The following TMEM163 variants were observed in gnomAD, a reference collection of about 807,000 sequenced individuals.
TMEM163 encodes transmembrane protein 163.
A neutral mutation model predicts 29.3 loss-of-function variants in TMEM163; 17 were observed. That is an observed-to-expected ratio of 0.58 (90% CI 0.40 to 0.87). The LOEUF (loss-of-function observed/expected upper bound fraction) is 0.87, where lower values mean the gene tolerates loss of function less well. Ranked by LOEUF, TMEM163 falls within the 40% of genes least tolerant of loss-of-function variation. The probability of loss-of-function intolerance (pLI) is 0.00; values close to 1 mark genes in which losing one functional copy is unlikely to be tolerated. For missense variants in TMEM163, 303 were observed against 381.5 expected (o/e 0.79, Z 1.71); for synonymous variants, 157 against 160.6 (o/e 0.98, Z 0.17).
chr2:134,685,316 T>C (rs1169384899), intron 2 of TMEM163, among the ~76,000 whole-genome samples: 2 of 152,206 alleles, frequency 1.3e-5, no homozygotes, highest in African/African-American at 4.8e-5. Context: ...TTTATATAAG[T>C]CATCATAATA....
At chr2:134,574,882 G>C (rs956561988) in intron 2 of TMEM163, among the ~76,000 whole-genome samples, 3 of 152,188 alleles carry the variant, frequency 2.0e-5, no homozygotes, top group African/African-American at 7.2e-5. Flanking sequence ...CGTTAGGCTT[G>C]CTGGACTGAG....
intron 5 of TMEM163, among the ~76,000 whole-genome samples, chr2:134,480,506 C>T (rs752660944): frequency 3.9e-5 from 6 of 152,180 alleles, no homozygotes; most frequent in Non-Finnish European, 7.4e-5. Context: ...TGATTAGCCA[C>T]AATTAAGTGC....
chr2:134,664,511 G>A (rs1288564055), intron 2 of TMEM163, among the ~76,000 whole-genome samples: 2 of 152,208 alleles, frequency 1.3e-5, no homozygotes, highest in East Asian at 3.8e-4. Context: ...TAGGGGAAAA[G>A]GGACTTTGCA....
At chr2:134,566,386 AC>A (rs1306968779) in intron 2 of TMEM163, among the ~76,000 whole-genome samples, 5 of 151,836 alleles carry the variant, frequency 3.3e-5, no homozygotes, top group African/African-American at 1.2e-4. Context: ...ATATGGTGAA[AC>A]CCCGTCTCTA....
intron 2 of TMEM163, among the ~76,000 whole-genome samples, chr2:134,668,642 A>C (rs1484517759): frequency 6.6e-6 from 1 of 151,936 alleles, no homozygotes; most frequent in Non-Finnish European, 1.5e-5. Flanking sequence ...AAAAAAAAGA[A>C]AAGAAAAGAA....
At chr2:134,591,859 T>C (rs1681941411) in intron 2 of TMEM163, among the ~76,000 whole-genome samples, 1 of 150,916 alleles carries the variant, frequency 6.6e-6, no homozygotes, top group African/African-American at 2.4e-5. Context: ...AATCACAGCC[T>C]ATGAATGTGC....
intron 2 of TMEM163, among the ~76,000 whole-genome samples, chr2:134,640,418 T>A (rs1187104282): frequency 6.6e-6 from 1 of 152,128 alleles, no homozygotes; most frequent in Non-Finnish European, 1.5e-5. Flanking sequence ...GACAATATAC[T>A]GAAAATTCTC....
intron 2 of TMEM163, among the ~76,000 whole-genome samples, chr2:134,648,332 C>CTTCTCTTCTT (rs1683386023): frequency 6.6e-6 from 1 of 151,786 alleles, no homozygotes; most frequent in African/African-American, 2.4e-5. Flanking sequence ...CTTCTCTTCT[C>CTTCTCTTCTT]TTCTCTTCTC....
chr2:134,517,899 A>G (rs1018905379), intron 4 of TMEM163, among the ~76,000 whole-genome samples: 1 of 152,190 alleles, frequency 6.6e-6, no homozygotes, highest in Non-Finnish European at 1.5e-5. Context: ...CCACTGAGTG[A>G]TCTGCAAATT....
At chr2:134,511,761 T>C (rs1679955203) in intron 4 of TMEM163, among the ~76,000 whole-genome samples, 2 of 152,230 alleles carry the variant, frequency 1.3e-5, no homozygotes, top group African/African-American at 4.8e-5. Context: ...AATATGGACA[T>C]CTAAAAACCT....
At chr2:134,621,127 T>C (rs931607896) in intron 2 of TMEM163, among the ~76,000 whole-genome samples, 8 of 152,174 alleles carry the variant, frequency 5.3e-5, no homozygotes, top group Non-Finnish European at 8.8e-5. Flanking sequence ...TATCATTCAA[T>C]AAAAGGAGTA....
At chr2:134,713,515 G>A in intron 1 of TMEM163, 196 bp from the exon 2 acceptor site, 1 of 786,394 alleles carries the variant, frequency 1.3e-6, no homozygotes, top group Non-Finnish European at 2.1e-6. Context: ...AAAAATCACA[G>A]GCTCTGACAA....
chr2:134,566,486 C>G (rs908943504), intron 2 of TMEM163, among the ~76,000 whole-genome samples: 3 of 152,042 alleles, frequency 2.0e-5, no homozygotes, highest in Non-Finnish European at 4.4e-5. Context: ...TCGCTTGAAC[C>G]AGGGAGGTGG....
rs181988290 is a variant in TMEM163 at position 134,626,174 on chromosome 2, G to A, written c.323-74083C>T. ...GGCTGGAGTGCAGTGGCATGATCTC[G>A]GCTCACTGCAACCTCCACCCCCTGG... On this transcript the variant is annotated intron_variant, in intron 2 of 7. Coordinates refer to ENST00000281924, the MANE Select transcript of TMEM163 (RefSeq NM_030923.5). Among the ~76,000 whole-genome samples the A allele has an allele frequency of 1.5e-3, 216 of 141,558 alleles. 1 individual carries two copies. Among genetic ancestry groups the A allele is most frequent in the Middle Eastern group, 4.4e-3 (1 of 228 alleles). The allele number at this position is 141,558 out of a possible 152,430, so 92.9% of individuals were successfully genotyped here.
intron 2 of TMEM163, among the ~76,000 whole-genome samples, chr2:134,605,565 G>A (rs1177564447): frequency 1.3e-5 from 2 of 152,018 alleles, no homozygotes; most frequent in African/African-American, 4.8e-5. Flanking sequence ...GGGCATGGTG[G>A]CAGGCGCCTG....
intron 2 of TMEM163, among the ~76,000 whole-genome samples, chr2:134,649,175 T>C (rs532373441): frequency 5.9e-5 from 9 of 152,328 alleles, no homozygotes; most frequent in African/African-American, 2.2e-4. Context: ...AGTATACGTA[T>C]AATATATAAA....
chr2:134,651,859 A>C (rs1683487131), intron 2 of TMEM163, among the ~76,000 whole-genome samples: 1 of 120,762 alleles, frequency 8.3e-6, no homozygotes, highest in Admixed American at 8.2e-5. Flanking sequence ...AGTTGTAGAT[A>C]TGCGGCATTA....
At chr2:134,500,090 C>CCGAAA (rs1679666216) in intron 5 of TMEM163, among the ~76,000 whole-genome samples, 1 of 152,218 alleles carries the variant, frequency 6.6e-6, no homozygotes, top group Non-Finnish European at 1.5e-5. Context: ...AGCCCACATT[C>CCGAAA]CAGCATGATA....
At chr2:134,522,114 A>AG (rs1429123912) in intron 4 of TMEM163, among the ~76,000 whole-genome samples, 1 of 151,030 alleles carries the variant, frequency 6.6e-6, no homozygotes, top group Admixed American at 6.6e-5. Flanking sequence ...GAGAATTTCT[A>AG]GCGGGGGTGG....
Sources: allele counts gnomAD v4.1 joint callset (sites outside exome capture counted in the v4.1 genomes callset), GRCh38; gene constraint gnomAD v4.1.1; transcripts MANE v1.5; gene names NCBI Gene and HGNC (gene_info 2026-07-23, HGNC 2026-07-21).